The following SPATS2 variants were observed in gnomAD, a reference collection of about 807,000 sequenced individuals.
SPATS2 encodes the protein spermatogenesis-associated serine-rich protein 2.
SPATS2 carries 38 observed loss-of-function variants against 63.7 expected under a neutral mutation model. The ratio of observed to expected loss-of-function variants is 0.60; its 90% CI spans 0.46 to 0.78. SPATS2 has a LOEUF of 0.78. SPATS2 is among the 30% of genes least tolerant of loss of function. The probability of loss-of-function intolerance (pLI) is 0.00; values close to 1 mark genes in which losing one functional copy is unlikely to be tolerated. For missense variants in SPATS2, 588 were observed against 666.2 expected (o/e 0.88, Z 1.29); for synonymous variants, 207 against 232.9 (o/e 0.89, Z 1.01).
intron 2 of SPATS2, among the ~76,000 whole-genome samples, chr12:49,441,384 G>T (rs1945415714): frequency 6.6e-6 from 1 of 152,076 alleles, no homozygotes; most frequent in Non-Finnish European, 1.5e-5. Flanking sequence ...ATTTCTCCTT[G>T]TTGGTTTCTG....
At chr12:49,524,585 T>C in intron 12 of SPATS2, 97 bp from the exon 13 acceptor site, 1 of 1,286,578 alleles carries the variant, frequency 7.8e-7, no homozygotes, top group Non-Finnish European at 1.1e-6. Context: ...GACAGTTCTT[T>C]ATCTTAAATT....
chr12:49,513,153 A>G (rs1403984909), intron 9 of SPATS2, among the ~76,000 whole-genome samples: 1 of 152,140 alleles, frequency 6.6e-6, no homozygotes, highest in Non-Finnish European at 1.5e-5. Context: ...CACATTAACT[A>G]CTTTGTGCTA....
At chr12:49,459,676 C>T (rs976351506) in intron 2 of SPATS2, among the ~76,000 whole-genome samples, 1 of 144,296 alleles carries the variant, frequency 6.9e-6, no homozygotes, top group Non-Finnish European at 1.5e-5. Context: ...CTCACGTTTG[C>T]TGTTCTTCGT....
At chr12:49,498,171 C>T (rs1332660253) in intron 8 of SPATS2, among the ~76,000 whole-genome samples, 8 of 107,400 alleles carry the variant, frequency 7.4e-5, no homozygotes, top group East Asian at 4.3e-4. Flanking sequence ...TATATATATG[C>T]GCACAAGGCT....
At chr12:49,414,455 C>T (rs1487255036) in intron 2 of SPATS2, among the ~76,000 whole-genome samples, 7 of 152,010 alleles carry the variant, frequency 4.6e-5, no homozygotes, top group Non-Finnish European at 8.8e-5. Flanking sequence ...AAAAAAAGTT[C>T]AACAGAGACT....
chr12:49,477,578 T>C (rs1946139129), intron 3 of SPATS2, among the ~76,000 whole-genome samples: 1 of 152,142 alleles, frequency 6.6e-6, no homozygotes. Context: ...GCTTACAACC[T>C]CCGGAGAGGA....
intron 1 of SPATS2, among the ~76,000 whole-genome samples, chr12:49,368,090 C>T (rs568459073): frequency 6.6e-6 from 1 of 152,214 alleles, no homozygotes; most frequent in Admixed American, 6.5e-5. Context: ...ATCAGGCGAA[C>T]AGACGCAGAG....
chr12:49,452,865 A>C (rs1301912593), intron 2 of SPATS2, among the ~76,000 whole-genome samples: 2 of 151,642 alleles, frequency 1.3e-5, no homozygotes, highest in African/African-American at 4.9e-5. Flanking sequence ...AGTCCTTTAA[A>C]GAAATTTGGA....
intron 2 of SPATS2, among the ~76,000 whole-genome samples, chr12:49,371,742 AAG>A: frequency 6.6e-6 from 1 of 152,156 alleles, no homozygotes; most frequent in East Asian, 1.9e-4. Flanking sequence ...GAGCAGGAGG[AAG>A]AGAGAGAGGT....
chr12:49,382,081 C>G, intron 2 of SPATS2, among the ~76,000 whole-genome samples: 1 of 152,208 alleles, frequency 6.6e-6, no homozygotes, highest in East Asian at 1.9e-4. Flanking sequence ...TTGTCCTGAA[C>G]TCTCCTGTCT....
At chr12:49,420,054 T>C (rs971827000) in intron 2 of SPATS2, among the ~76,000 whole-genome samples, 1 of 152,210 alleles carries the variant, frequency 6.6e-6, no homozygotes, top group African/African-American at 2.4e-5. Context: ...GTGGGCTCTT[T>C]GATGAATGAC....
At chr12:49,474,703 A>C (rs1002430970) in intron 3 of SPATS2, among the ~76,000 whole-genome samples, 2 of 152,232 alleles carry the variant, frequency 1.3e-5, no homozygotes, top group African/African-American at 4.8e-5. Flanking sequence ...TGGAAGTTTA[A>C]TACCTGGTTG....
intron 2 of SPATS2, chr12:49,389,795 T>G (rs1032742434): frequency 8.0e-6 from 9 of 1,126,038 alleles, no homozygotes; most frequent in Non-Finnish European, 1.2e-5. Flanking sequence ...TGGAAGAACA[T>G]CAGTCGGCCT....
At chr12:49,393,013 C>G (rs541104674) in intron 2 of SPATS2, among the ~76,000 whole-genome samples, 66 of 152,270 alleles carry the variant, frequency 4.3e-4, no homozygotes, top group African/African-American at 1.5e-3. Flanking sequence ...GATCATGCCA[C>G]TTCACTCCAG....
At chr12:49,475,687 C>G (rs1294288981) in intron 3 of SPATS2, among the ~76,000 whole-genome samples, 1 of 152,186 alleles carries the variant, frequency 6.6e-6, no homozygotes, top group African/African-American at 2.4e-5. Flanking sequence ...GGCAATCCAC[C>G]CGCCTTGGCC....
At chr12:49,497,392 C>CA (rs1946481634) in intron 8 of SPATS2, among the ~76,000 whole-genome samples, 1 of 142,946 alleles carries the variant, frequency 7.0e-6, no homozygotes, top group Non-Finnish European at 1.5e-5. Flanking sequence ...CTGACATTGA[C>CA]TTTTTTTTTT....
intron 12 of SPATS2, 100 bp from the exon 13 acceptor site, chr12:49,524,582 C>G (rs768493855): frequency 1.6e-6 from 2 of 1,270,160 alleles, no homozygotes; most frequent in African/African-American, 1.5e-5. Context: ...ATAGACAGTT[C>G]TTTATCTTAA....
At chr12:49,450,567 G>C (rs1490827489) in intron 2 of SPATS2, among the ~76,000 whole-genome samples, 1 of 151,748 alleles carries the variant, frequency 6.6e-6, no homozygotes, top group Non-Finnish European at 1.5e-5. Context: ...TTTTGAGACG[G>C]AGTTTCACTC....
chr12:49,494,359 A>G (rs771070393), intron 6 of SPATS2, among the ~76,000 whole-genome samples: 6 of 152,204 alleles, frequency 3.9e-5, no homozygotes, highest in Non-Finnish European at 7.3e-5. Flanking sequence ...ATCATTCTAT[A>G]TGCTTATAGC....
Sources: allele counts gnomAD v4.1 joint callset (sites outside exome capture counted in the v4.1 genomes callset), GRCh38; gene constraint gnomAD v4.1.1; transcripts MANE v1.5; gene names NCBI Gene and HGNC (gene_info 2026-07-23, HGNC 2026-07-21).